DNAJC5B: variants seen among roughly 807,000 people sequenced by gnomAD.
DNAJC5B encodes dnaJ homolog subfamily C member 5B.
A neutral mutation model predicts 24.7 loss-of-function variants in DNAJC5B; 23 were observed. The ratio of observed to expected loss-of-function variants is 0.93; its 90% CI spans 0.67 to 1.32. DNAJC5B has a LOEUF of 1.32. Ranked by LOEUF, DNAJC5B falls within the 40% of genes most tolerant of loss-of-function variation. DNAJC5B has a pLI of 0.00. For synonymous variants in DNAJC5B, 101 were observed against 90.1 expected, an observed-to-expected ratio of 1.12 and a Z score of -0.68; for missense variants, 238 against 240.8, an observed-to-expected ratio of 0.99 and a Z score of 0.08.
intron 5 of DNAJC5B, among the ~76,000 whole-genome samples, chr8:66,086,421 A>G (rs1807725041): frequency 6.6e-6 from 1 of 152,182 alleles, no homozygotes; most frequent in African/African-American, 2.4e-5. Flanking sequence ...TATAGCCACT[A>G]CTGAGGATAT....
At chr8:66,017,144 A>G (rs149472308), upstream of DNAJC5B, among the ~76,000 whole-genome samples, 431 of 152,310 alleles carry the variant, frequency 2.8e-3, 2 homozygotes, top group Admixed American at 3.3e-3. Context: ...CACTTTACTT[A>G]CAATACAGCA....
chr8:66,097,682 AAAG>A (rs757948671), intron 5 of DNAJC5B, among the ~76,000 whole-genome samples: 6 of 152,204 alleles, frequency 3.9e-5, no homozygotes, highest in Non-Finnish European at 7.4e-5. Flanking sequence ...CTCTTTTAAA[AAAG>A]AAATGTAACT....
chr8:66,081,603 A>G (rs573684925), intron 5 of DNAJC5B, among the ~76,000 whole-genome samples: 3 of 152,274 alleles, frequency 2.0e-5, no homozygotes, highest in Admixed American at 2.0e-4. Context: ...CACACCTTTT[A>G]TTCCCTATGA....
intron 3 of DNAJC5B, among the ~76,000 whole-genome samples, chr8:66,059,977 G>A (rs535146751): frequency 1.3e-5 from 2 of 152,288 alleles, no homozygotes; most frequent in South Asian, 4.1e-4. Flanking sequence ...CTTGAGAGCC[G>A]AGGGAACACC....
chr8:66,091,979 G>T (rs960188987), intron 5 of DNAJC5B, among the ~76,000 whole-genome samples: 9 of 152,118 alleles, frequency 5.9e-5, no homozygotes, highest in African/African-American at 1.9e-4. Flanking sequence ...CCAAAGAGGC[G>T]GGAAGTAGAT....
chr8:66,026,048 C>T (rs564770152), intron 1 of DNAJC5B, among the ~76,000 whole-genome samples: 12 of 115,182 alleles, frequency 1.0e-4, no homozygotes, highest in South Asian at 5.1e-4. Flanking sequence ...ATTCTTCCTA[C>T]CCATGAGCAT....
At chr8:66,051,418 A>T in intron 2 of DNAJC5B, 113 bp from the exon 3 acceptor site, 1 of 688,816 alleles carries the variant, frequency 1.5e-6, no homozygotes, top group Non-Finnish European at 2.5e-6. Context: ...TGTAGTTGGT[A>T]CACAAATATT....
At chr8:66,058,533 A>G (rs1807014705) in intron 3 of DNAJC5B, among the ~76,000 whole-genome samples, 1 of 152,242 alleles carries the variant, frequency 6.6e-6, no homozygotes, top group African/African-American at 2.4e-5. Flanking sequence ...GGTGTGATCC[A>G]ACTTTTACTG....
chr8:66,070,839 G>T (rs189218486), intron 3 of DNAJC5B, among the ~76,000 whole-genome samples: 22 of 152,250 alleles, frequency 1.4e-4, no homozygotes, highest in African/African-American at 3.9e-4. Context: ...GCATGGTACT[G>T]GTACCAAAAC....
chr8:66,056,638 C>T (rs1178740710), intron 3 of DNAJC5B: 1 of 152,210 alleles, frequency 6.6e-6, no homozygotes, highest in East Asian at 1.9e-4. Flanking sequence ...AACCTGCATG[C>T]TAAACCTAAA....
chr8:66,032,836 C>A (rs991900102), intron 1 of DNAJC5B, among the ~76,000 whole-genome samples: 1 of 152,208 alleles, frequency 6.6e-6, no homozygotes, highest in East Asian at 1.9e-4. Context: ...AAAACACTGT[C>A]TAGTTCTAAA....
intron 3 of DNAJC5B, among the ~76,000 whole-genome samples, chr8:66,053,880 C>T (rs1185646192): frequency 2.0e-5 from 3 of 151,374 alleles, no homozygotes; most frequent in African/African-American, 7.3e-5. Flanking sequence ...CCTTCCGCCT[C>T]AGCCTCCCAA....
chr8:66,053,831 G>A (rs906967932), intron 3 of DNAJC5B, among the ~76,000 whole-genome samples: 10 of 151,668 alleles, frequency 6.6e-5, no homozygotes, highest in Non-Finnish European at 1.5e-4. Context: ...GTTTCTCCAT[G>A]TTGGTCAGGC....
chr8:66,085,739 A>G (rs1807709887), intron 5 of DNAJC5B, among the ~76,000 whole-genome samples: 1 of 151,966 alleles, frequency 6.6e-6, no homozygotes, highest in Non-Finnish European at 1.5e-5. Flanking sequence ...TGATTCTTCC[A>G]ACTTTATTTT....
intron 5 of DNAJC5B, among the ~76,000 whole-genome samples, chr8:66,090,429 C>A (rs1183430224): frequency 6.6e-6 from 1 of 151,986 alleles, no homozygotes. Flanking sequence ...TGACATCCAA[C>A]CAAAATTTCC....
At chr8:66,065,475 C>T (rs957625640) in intron 3 of DNAJC5B, among the ~76,000 whole-genome samples, 2 of 152,128 alleles carry the variant, frequency 1.3e-5, no homozygotes, top group Non-Finnish European at 2.9e-5. Flanking sequence ...CCAAATGGTG[C>T]CCCGAGCTTT....
At chr8:66,021,288 C>G (rs1387119380), upstream of DNAJC5B, among the ~76,000 whole-genome samples, 1 of 152,178 alleles carries the variant, frequency 6.6e-6, no homozygotes, top group Non-Finnish European at 1.5e-5. Flanking sequence ...TCTTCTAGGT[C>G]TCTCCCCACA....
chr8:66,029,231 G>A (rs1312227371), intron 1 of DNAJC5B, among the ~76,000 whole-genome samples: 3 of 152,212 alleles, frequency 2.0e-5, no homozygotes, highest in African/African-American at 7.2e-5. Flanking sequence ...AGCCAGGTGG[G>A]ATTGGGAGAC....
intron 5 of DNAJC5B, among the ~76,000 whole-genome samples, chr8:66,091,711 A>G (rs1248488357): frequency 6.6e-6 from 1 of 152,172 alleles, no homozygotes; most frequent in Non-Finnish European, 1.5e-5. Flanking sequence ...CCCATCCCCA[A>G]TGTACTAGAG....
Sources: gnomAD v4.1 joint callset for allele counts (sites outside exome capture counted in the v4.1 genomes callset) on GRCh38, gnomAD v4.1.1 for gene constraint, MANE v1.5 for transcripts, NCBI Gene and HGNC (gene_info 2026-07-23, HGNC 2026-07-21) for gene names.